The following CSMD2 variants were observed in gnomAD, a reference collection of about 807,000 sequenced individuals.
The protein encoded by CSMD2 is CUB and sushi domain-containing protein 2.
CSMD2 carries 130 observed loss-of-function variants against 398.5 expected under a neutral mutation model. The ratio of observed to expected loss-of-function variants is 0.33; its 90% CI spans 0.28 to 0.38. The LOEUF (loss-of-function observed/expected upper bound fraction) is 0.38, where lower values mean the gene tolerates loss of function less well. CSMD2 is among the 10% of genes least tolerant of loss of function. The probability of loss-of-function intolerance (pLI) is 1.00; values close to 1 mark genes in which losing one functional copy is unlikely to be tolerated. For synonymous variants in CSMD2, 1,828 were observed against 1,908.5 expected (o/e 0.96, Z 1.10); for missense variants, 3,829 against 4,764.9 (o/e 0.80, Z 5.78).
chr1:33,603,346 A>G (rs1159604862), intron 42 of CSMD2, among the ~76,000 whole-genome samples: 1 of 152,222 alleles, frequency 6.6e-6, no homozygotes, highest in African/African-American at 2.4e-5. Flanking sequence ...ATTCAGAATC[A>G]GTCACCATGG....
chr1:33,585,499 A>G (rs1013263860), intron 46 of CSMD2, among the ~76,000 whole-genome samples: 1 of 152,176 alleles, frequency 6.6e-6, no homozygotes, highest in Non-Finnish European at 1.5e-5. Context: ...ACTTTTCCCA[A>G]TAGAGCTTCC....
chr1:33,892,880 A>C (rs765207134), intron 5 of CSMD2, among the ~76,000 whole-genome samples: 6 of 152,210 alleles, frequency 3.9e-5, no homozygotes, highest in Non-Finnish European at 8.8e-5. Flanking sequence ...TGAAGCAGAA[A>C]GTGAGGCTGG....
intron 1 of CSMD2, among the ~76,000 whole-genome samples, chr1:34,093,277 C>G (rs1658867185): frequency 2.0e-5 from 3 of 152,150 alleles, no homozygotes; most frequent in South Asian, 2.1e-4. Context: ...TCATCAAAGA[C>G]CAAAAGTAGA....
At chr1:33,908,468 A>G (rs911951512) in intron 5 of CSMD2, among the ~76,000 whole-genome samples, 1 of 152,258 alleles carries the variant, frequency 6.6e-6, no homozygotes, top group Admixed American at 6.5e-5. Context: ...TGCCCTTCAC[A>G]GTCCTGGCAC....
chr1:33,976,289 A>T (rs1645960533), intron 3 of CSMD2, among the ~76,000 whole-genome samples: 1 of 152,216 alleles, frequency 6.6e-6, no homozygotes, highest in Non-Finnish European at 1.5e-5. Context: ...AGGACTTGGT[A>T]AAATGGGTTT....
intron 3 of CSMD2, among the ~76,000 whole-genome samples, chr1:34,010,535 A>C (rs1335983039): frequency 6.6e-6 from 1 of 152,166 alleles, no homozygotes; most frequent in South Asian, 2.1e-4. Context: ...GAGGTCACAA[A>C]GGGTGTAACC....
At chr1:33,665,145 T>C (rs1479717931) in intron 25 of CSMD2, among the ~76,000 whole-genome samples, 2 of 152,160 alleles carry the variant, frequency 1.3e-5, no homozygotes, top group African/African-American at 4.8e-5. Context: ...TGCAAACTTT[T>C]GAAATTCTAC....
At chr1:34,123,507 A>G (rs1662413367) in intron 1 of CSMD2, among the ~76,000 whole-genome samples, 1 of 126,132 alleles carries the variant, frequency 7.9e-6, no homozygotes, top group Non-Finnish European at 1.8e-5. Flanking sequence ...ACTCCAGCCA[A>G]TTAATCAAAC....
chr1:34,036,334 A>G (rs1651121136), intron 2 of CSMD2, among the ~76,000 whole-genome samples: 1 of 152,218 alleles, frequency 6.6e-6, no homozygotes, highest in African/African-American at 2.4e-5. Context: ...TCAGCAATAA[A>G]AAGGAATGGA....
intron 44 of CSMD2, among the ~76,000 whole-genome samples, chr1:33,594,590 T>C (rs946549736): frequency 6.6e-6 from 1 of 152,212 alleles, no homozygotes; most frequent in Non-Finnish European, 1.5e-5. Flanking sequence ...ATTTGGTTCC[T>C]TTCTTCCTGA....
intron 2 of CSMD2, among the ~76,000 whole-genome samples, chr1:34,040,008 TTGTC>T (rs1651653313): frequency 6.6e-6 from 1 of 151,872 alleles, no homozygotes; most frequent in Non-Finnish European, 1.5e-5. Context: ...TTTCAAAAAT[TTGTC>T]TGAGTGTGGT....
rs537202318 is a variant in CSMD2, at chr1:33,909,529, TCTC to T, written c.920+8562_920+8564del. Among the ~76,000 whole-genome samples, 829 of 152,212 alleles carry T rather than the reference TCTC, an allele frequency of 5.4e-3. 2 individuals carry two copies. Among genetic ancestry groups the T allele is most frequent in the Non-Finnish European group, 9.3e-3 (630 of 68,030 alleles). On this transcript the variant is annotated intron_variant, in intron 5 of 70. Coordinates refer to ENST00000373381, the MANE Select transcript of CSMD2 (RefSeq NM_001281956.2). ...TTCCACAAAGGCAGAGGCCTTGTCT[TCTC>T]CACCATTGCATTCCCAGTGCCAAGT...
intron 4 of CSMD2, among the ~76,000 whole-genome samples, chr1:33,919,335 G>A (rs751164290): frequency 1.3e-5 from 2 of 152,188 alleles, no homozygotes; most frequent in Non-Finnish European, 2.9e-5. Flanking sequence ...TTTTGGACAC[G>A]CAGAAGTGGG....
intron 1 of CSMD2, among the ~76,000 whole-genome samples, chr1:34,129,690 G>A (rs942870425): frequency 1.3e-5 from 2 of 152,246 alleles, no homozygotes; most frequent in Admixed American, 6.5e-5. Flanking sequence ...AATAGCCCAC[G>A]ATAGCTGGGA....
At chr1:33,983,371 C>T (rs540037346) in intron 3 of CSMD2, among the ~76,000 whole-genome samples, 19 of 152,306 alleles carry the variant, frequency 1.2e-4, no homozygotes, top group Middle Eastern at 3.4e-3. Flanking sequence ...CATCTCTCTA[C>T]TTGGGAACAT....
intron 3 of CSMD2, among the ~76,000 whole-genome samples, chr1:33,993,969 C>T (rs1428870538): frequency 6.6e-6 from 1 of 152,152 alleles, no homozygotes; most frequent in East Asian, 1.9e-4. Context: ...AGCTTATAAC[C>T]ACCTCTAAAT....
chr1:34,140,704 A>G (rs950973488), intron 1 of CSMD2, among the ~76,000 whole-genome samples: 5 of 152,234 alleles, frequency 3.3e-5, no homozygotes, highest in African/African-American at 7.2e-5. Flanking sequence ...AAGCAGGGAC[A>G]GGATTTAAGC....
chr1:33,514,831 T>A lies in CSMD2; in HGVS notation c.*1793A>T, dbSNP rs915903987. Reference sequence around the variant, plus strand: ...GGGTAGGCTCCTGCCTCTGTCAGCCTCCATTGTGTCTGCTGGAAATGGACG... The same window carrying A: ...GGGTAGGCTCCTGCCTCTGTCAGCCACCATTGTGTCTGCTGGAAATGGACG... On this transcript the variant is annotated 3_prime_UTR_variant, in exon 71 of 71. Coordinates refer to ENST00000373381, the MANE Select transcript of CSMD2 (RefSeq NM_001281956.2). 1 of 152,132 alleles carries A rather than the reference T, an allele frequency of 6.6e-6. No homozygotes were observed. Among genetic ancestry groups the A allele is most frequent in the Non-Finnish European group, 1.5e-5 (1 of 68,028 alleles). The allele number at this position is 152,132 out of a possible 1,614,324, so 9.4% of individuals were successfully genotyped here.
intron 2 of CSMD2, among the ~76,000 whole-genome samples, chr1:34,072,119 G>A (rs1251716320): frequency 2.0e-5 from 3 of 152,236 alleles, no homozygotes; most frequent in Middle Eastern, 3.2e-3. Context: ...TGATGCAGTA[G>A]CAAAAGGCTG....
Sources: allele counts gnomAD v4.1 joint callset (sites outside exome capture counted in the v4.1 genomes callset), GRCh38; gene constraint gnomAD v4.1.1; transcripts MANE v1.5; gene names NCBI Gene and HGNC (gene_info 2026-07-23, HGNC 2026-07-21).